Variants in CNTNAP5 observed in about 807,000 individuals in gnomAD.
CNTNAP5 encodes the protein contactin-associated protein-like 5.
In CNTNAP5, 72 loss-of-function variants were observed where a neutral mutation model predicts 150.2. That is an observed-to-expected ratio of 0.48 (90% CI 0.40 to 0.58). The LOEUF is 0.58. Among genes scored for constraint, CNTNAP5 ranks in the 20% least tolerant of loss-of-function variants. CNTNAP5 has a pLI of 0.00. For missense variants in CNTNAP5, 1,636 were observed against 1,626.2 expected (o/e 1.01, Z -0.10); for synonymous variants, 672 against 619.8 (o/e 1.08, Z -1.25).
chr2:124,203,856 G>A (rs1685794076), intron 1 of CNTNAP5, among the ~76,000 whole-genome samples: 2 of 152,220 alleles, frequency 1.3e-5, no homozygotes, highest in African/African-American at 4.8e-5. Context: ...GATGGAATGG[G>A]CTACCATGAA....
chr2:124,092,838 A>T (rs1682846977), intron 1 of CNTNAP5, among the ~76,000 whole-genome samples: 1 of 152,210 alleles, frequency 6.6e-6, no homozygotes, highest in African/African-American at 2.4e-5. Context: ...AAGTACAAAT[A>T]GTTCACAATA....
intron 20 of CNTNAP5, among the ~76,000 whole-genome samples, chr2:124,866,099 T>TA (rs1222318191): frequency 2.7e-5 from 4 of 146,322 alleles, no homozygotes; most frequent in Admixed American, 6.8e-5. Context: ...CCATCAATAC[T>TA]AAAAAATACA....
At chr2:124,616,749 T>A (rs1216167470) in intron 12 of CNTNAP5, among the ~76,000 whole-genome samples, 2 of 152,180 alleles carry the variant, frequency 1.3e-5, no homozygotes, top group Non-Finnish European at 2.9e-5. Flanking sequence ...ACTTGAATTC[T>A]TAGAGGTTAT....
chr2:124,112,050 C>T (rs1182213505), intron 1 of CNTNAP5, among the ~76,000 whole-genome samples: 3 of 152,194 alleles, frequency 2.0e-5, no homozygotes, highest in Non-Finnish European at 4.4e-5. Flanking sequence ...GAATATAATA[C>T]TGGAGTTTCA....
At chr2:124,069,230 G>T (rs1052097062) in intron 1 of CNTNAP5, among the ~76,000 whole-genome samples, 2 of 152,140 alleles carry the variant, frequency 1.3e-5, no homozygotes, top group Non-Finnish European at 2.9e-5. Flanking sequence ...CAGTGGTTAT[G>T]GTGGCCACGA....
intron 12 of CNTNAP5, among the ~76,000 whole-genome samples, chr2:124,644,262 T>A (rs1678158318): frequency 6.6e-6 from 1 of 152,220 alleles, no homozygotes; most frequent in African/African-American, 2.4e-5. Context: ...ATCAGGAGTA[T>A]CTGTCACCAC....
chr2:124,608,679 G>A (rs1323483648), intron 11 of CNTNAP5, among the ~76,000 whole-genome samples: 2 of 152,152 alleles, frequency 1.3e-5, no homozygotes, highest in African/African-American at 4.8e-5. Context: ...AGGCGCAGTG[G>A]TTCACACATG....
At chr2:124,340,140 G>A (rs1187248620) in intron 3 of CNTNAP5, among the ~76,000 whole-genome samples, 2 of 152,106 alleles carry the variant, frequency 1.3e-5, no homozygotes, top group African/African-American at 2.4e-5. Context: ...TACAAAGGGA[G>A]ATTAGTCTGG....
At chr2:124,537,035 T>C (rs1695249235) in intron 10 of CNTNAP5, among the ~76,000 whole-genome samples, 1 of 150,734 alleles carries the variant, frequency 6.6e-6, no homozygotes, top group South Asian at 2.1e-4. Context: ...TGTGTGTGTG[T>C]GTGAGAGAGA....
rs142252958 is a variant in CNTNAP5, at chr2:124,254,137, C to T, written c.381+11744C>T. On this transcript the variant is annotated intron_variant, in intron 3 of 23. Transcript: ENST00000682447. ...TTCACTGAGGCAATCTACATAGACT[C>T]CCAATGTCCCTGACATATAAAAAGT... Among the ~76,000 whole-genome samples, 1,043 of 152,162 alleles carry T rather than the reference C, an allele frequency of 6.9e-3. 16 individuals are homozygous for T. The highest frequency in any genetic ancestry group is 0.024 in the African/African-American group (993 of 41,508).
chr2:124,491,666 G>A (rs1384177085), intron 7 of CNTNAP5, among the ~76,000 whole-genome samples: 3 of 151,986 alleles, frequency 2.0e-5, no homozygotes, highest in Admixed American at 2.0e-4. Context: ...GAACCTCCAT[G>A]TTGTTTTGCA....
In CNTNAP5 at chr2:124,609,877, C is replaced by T. The variant is rs994012209; in HGVS notation, c.1833C>T (p.Gly611=). The change falls in exon 12 of 24, where the codon GGC becomes GGT. Residue 611 remains glycine (G), a synonymous_variant. Coordinates refer to ENST00000682447, the MANE Select transcript of CNTNAP5 (RefSeq NM_001367498.1). ...GCTTCTTCTACATCGACTCAGATGG[C>T]AGCGGCCCACTGGGACCTCTCCAGG... ...TAGFFYIDSD[G]SGPLGPLQVY... is the part of the protein sequence containing the mutation. 2.5e-6 allele frequency: 4 copies of T among 1,613,824 alleles called. No homozygotes were observed. The highest frequency in any genetic ancestry group is 3.4e-6 in the Non-Finnish European group (4 of 1,179,872).
chr2:124,423,739 A>C (rs1692172627), intron 4 of CNTNAP5, among the ~76,000 whole-genome samples: 2 of 122,308 alleles, frequency 1.6e-5, no homozygotes, highest in East Asian at 5.4e-4. Context: ...ATCGCGGCTC[A>C]CTGCAAGCTC....
intron 1 of CNTNAP5, among the ~76,000 whole-genome samples, chr2:124,043,479 C>G (rs1416907803): frequency 1.3e-5 from 2 of 152,178 alleles, no homozygotes; most frequent in African/African-American, 4.8e-5. Flanking sequence ...ACGATAGCCA[C>G]CACACTTCTC....
At chr2:124,079,320 G>A (rs755252158) in intron 1 of CNTNAP5, among the ~76,000 whole-genome samples, 2 of 152,064 alleles carry the variant, frequency 1.3e-5, no homozygotes, top group Non-Finnish European at 2.9e-5. Flanking sequence ...ATCACACCAC[G>A]CCTCCTCCAA....
At chr2:124,728,261 T>A (rs1680202399) in intron 13 of CNTNAP5, among the ~76,000 whole-genome samples, 1 of 152,070 alleles carries the variant, frequency 6.6e-6, no homozygotes, top group Non-Finnish European at 1.5e-5. Flanking sequence ...TCTTTGCCCT[T>A]GTCTGGCTTT....
intron 13 of CNTNAP5, among the ~76,000 whole-genome samples, chr2:124,661,136 A>G (rs989221719): frequency 3.9e-5 from 6 of 152,092 alleles, no homozygotes; most frequent in African/African-American, 1.4e-4. Flanking sequence ...CACTTAGGCT[A>G]CACTACATTT....
intron 7 of CNTNAP5, among the ~76,000 whole-genome samples, chr2:124,498,917 G>A (rs1694212765): frequency 6.6e-6 from 1 of 152,030 alleles, no homozygotes; most frequent in Admixed American, 6.6e-5. Context: ...GAAACAAGTG[G>A]GAATATTAGG....
intron 19 of CNTNAP5, among the ~76,000 whole-genome samples, chr2:124,827,345 T>G (rs775101890): frequency 3.3e-5 from 5 of 152,114 alleles, no homozygotes; most frequent in Admixed American, 6.6e-5. Flanking sequence ...TCCCCTCAAA[T>G]CTCACTGACC....
Sources: gnomAD v4.1 joint callset for allele counts (sites outside exome capture counted in the v4.1 genomes callset) on GRCh38, gnomAD v4.1.1 for gene constraint, MANE v1.5 for transcripts, NCBI Gene and HGNC (gene_info 2026-07-23, HGNC 2026-07-21) for gene names.